The following CTNNA2 variants were observed in gnomAD, a reference collection of about 807,000 sequenced individuals.
CTNNA2 encodes catenin alpha 2.
Under a neutral mutation model 101.0 loss-of-function variants are expected in CTNNA2, and 42 were observed. That is an observed-to-expected ratio of 0.42 (90% confidence interval 0.32 to 0.54). The LOEUF is 0.54. Among genes scored for constraint, CTNNA2 ranks in the 20% least tolerant of loss-of-function variants. The pLI is 0.14. For missense variants in CTNNA2, 871 were observed against 1,223.1 expected, an observed-to-expected ratio of 0.71 and a Z score of 4.29; for synonymous variants, 450 against 456.4, an observed-to-expected ratio of 0.99 and a Z score of 0.18.
intron 2 of CTNNA2, among the ~76,000 whole-genome samples, chr2:79,308,386 G>A (rs1163712269): frequency 6.6e-6 from 1 of 152,026 alleles, no homozygotes; most frequent in African/African-American, 2.4e-5. Context: ...TTTTTTTGCT[G>A]TTGAGATGTT....
At chr2:80,482,514 A>G (rs1443988982) in intron 9 of CTNNA2, among the ~76,000 whole-genome samples, 1 of 152,202 alleles carries the variant, frequency 6.6e-6, no homozygotes, top group Non-Finnish European at 1.5e-5. Flanking sequence ...GACAATAGGT[A>G]AATGAATGAG....
chr2:79,310,802 T>C (rs1225495724), intron 2 of CTNNA2, among the ~76,000 whole-genome samples: 1 of 152,008 alleles, frequency 6.6e-6, no homozygotes, highest in Non-Finnish European at 1.5e-5. Context: ...CAGAAAAAAA[T>C]ATTTTTAAGA....
chr2:80,540,637 T>C (rs746837117), intron 9 of CTNNA2, among the ~76,000 whole-genome samples: 1 of 151,882 alleles, frequency 6.6e-6, no homozygotes, highest in Admixed American at 6.6e-5. Flanking sequence ...CTACTGTGTA[T>C]AGTTATCTTG....
intron 9 of CTNNA2, among the ~76,000 whole-genome samples, chr2:80,508,545 C>T (rs1004127785): frequency 9.2e-5 from 14 of 151,816 alleles, no homozygotes; most frequent in African/African-American, 2.4e-4. Flanking sequence ...TTAAGGAATC[C>T]GTAGCTTTAC....
intron 7 of CTNNA2, 65 bp downstream of exon 7, chr2:79,909,862 T>C (rs963829896): frequency 6.8e-7 from 1 of 1,472,232 alleles, no homozygotes. Flanking sequence ...GTTGCTCTTT[T>C]GGAAGCATAG....
At chr2:80,050,235 C>G (rs1294612017) in intron 7 of CTNNA2, among the ~76,000 whole-genome samples, 1 of 152,180 alleles carries the variant, frequency 6.6e-6, no homozygotes, top group Non-Finnish European at 1.5e-5. Context: ...CTCTACCACC[C>G]TCCTAAACTA....
At chr2:79,491,346 T>G (rs2104564816) in intron 4 of CTNNA2, among the ~76,000 whole-genome samples, 1 of 152,290 alleles carries the variant, frequency 6.6e-6, no homozygotes, top group East Asian at 1.9e-4. Context: ...AGCTTAAATC[T>G]TTAGTTGTTA....
intron 8 of CTNNA2, among the ~76,000 whole-genome samples, chr2:80,396,645 C>T (rs915426446): frequency 1.3e-5 from 2 of 152,230 alleles, no homozygotes; most frequent in African/African-American, 4.8e-5. Context: ...CCTACAATTA[C>T]AGGGATGCTA....
chr2:79,355,721 T>G (rs1677494583), intron 3 of CTNNA2, among the ~76,000 whole-genome samples: 1 of 152,184 alleles, frequency 6.6e-6, no homozygotes, highest in Admixed American at 6.5e-5. Context: ...CCCTGACTTC[T>G]TTTACTTGGC....
intron 18 of CTNNA2, among the ~76,000 whole-genome samples, chr2:80,644,498 T>C (rs1232384161): frequency 6.6e-6 from 1 of 152,128 alleles, no homozygotes; most frequent in Non-Finnish European, 1.5e-5. Flanking sequence ...GGAAGTGAAG[T>C]TTTAGCCAAC....
chr2:79,683,129 G>A (rs1030307878), intron 2 of CTNNA2, among the ~76,000 whole-genome samples: 4 of 152,210 alleles, frequency 2.6e-5, no homozygotes, highest in Non-Finnish European at 5.9e-5. Flanking sequence ...AACCCTCTGT[G>A]GGAGTTAGAC....
At chr2:79,984,461 C>A (rs1338392084) in intron 7 of CTNNA2, among the ~76,000 whole-genome samples, 1 of 152,156 alleles carries the variant, frequency 6.6e-6, no homozygotes, top group Non-Finnish European at 1.5e-5. Flanking sequence ...CCTGATTTTC[C>A]ACATTTTTCT....
intron 3 of CTNNA2, among the ~76,000 whole-genome samples, chr2:79,848,738 A>G (rs1300529483): frequency 6.6e-6 from 1 of 152,192 alleles, no homozygotes; most frequent in Non-Finnish European, 1.5e-5. Context: ...CAAATATTAC[A>G]TTGGAAAAGA....
At chr2:79,512,735 G>C (rs1291138048), upstream of CTNNA2, among the ~76,000 whole-genome samples, 1 of 151,306 alleles carries the variant, frequency 6.6e-6, no homozygotes, top group African/African-American at 2.4e-5. Context: ...CCCCACCTGC[G>C]GCGCCGAGCC....
intron 2 of CTNNA2, among the ~76,000 whole-genome samples, chr2:79,657,778 G>A (rs958099953): frequency 2.0e-5 from 3 of 151,596 alleles, no homozygotes; most frequent in African/African-American, 4.8e-5. Flanking sequence ...TATAATGGTG[G>A]CCTATATTTA....
chr2:79,241,979 C>T (rs1674632113), intron 2 of CTNNA2, among the ~76,000 whole-genome samples: 2 of 152,034 alleles, frequency 1.3e-5, no homozygotes, highest in South Asian at 4.1e-4. Flanking sequence ...GATCTCCGCT[C>T]ACTGCAAGCT....
At chr2:80,255,108 C>G (rs1048994522) in intron 7 of CTNNA2, among the ~76,000 whole-genome samples, 4 of 152,144 alleles carry the variant, frequency 2.6e-5, no homozygotes, top group Non-Finnish European at 4.4e-5. Context: ...ACCAGCCTTC[C>G]TGTGTCGATA....
chr2:80,067,286 A>G (rs1277850794), intron 7 of CTNNA2, among the ~76,000 whole-genome samples: 1 of 152,214 alleles, frequency 6.6e-6, no homozygotes, highest in African/African-American at 2.4e-5. Flanking sequence ...AGCTTAATTT[A>G]GCCATTCCAC....
chr2:80,379,702 G>C (rs566975406), intron 7 of CTNNA2, among the ~76,000 whole-genome samples: 82 of 152,270 alleles, frequency 5.4e-4, no homozygotes, highest in Non-Finnish European at 9.4e-4. Flanking sequence ...TTGTTGGTTT[G>C]AAACCCATTG....
Sources: allele counts gnomAD v4.1 joint callset (sites outside exome capture counted in the v4.1 genomes callset), GRCh38; gene constraint gnomAD v4.1.1; transcripts MANE v1.5; gene names NCBI Gene and HGNC (gene_info 2026-07-23, HGNC 2026-07-21).